The following TSR1 variants were observed in gnomAD, a reference collection of about 807,000 sequenced individuals.
TSR1 encodes pre-rRNA-processing protein TSR1 homolog.
A neutral mutation model predicts 90.9 loss-of-function variants in TSR1; 81 were observed. The observed-to-expected ratio is 0.89, with a 90% CI of 0.74 to 1.07. The LOEUF (loss-of-function observed/expected upper bound fraction) is 1.07, where lower values mean the gene tolerates loss of function less well. Among genes scored for constraint, TSR1 ranks in the 50% least tolerant of loss-of-function variants. The pLI, the probability that TSR1 is intolerant of heterozygous loss-of-function variation, is 0.00. For missense variants in TSR1, 989 were observed against 987.3 expected (o/e 1.00, Z -0.02); for synonymous variants, 362 against 348.8 (o/e 1.04, Z -0.42).
chr17:2,329,337 G>T lies in TSR1; in HGVS notation c.1903+6C>A. Reference sequence around the variant, plus strand: ...TGGACAAGAACCCAGCTTCCCCATTGCTAACCTGCAGTGTGCTGAGAGAAT... The same window carrying T: ...TGGACAAGAACCCAGCTTCCCCATTTCTAACCTGCAGTGTGCTGAGAGAAT... On this transcript the variant is annotated splice_donor_region_variant and intron_variant, in intron 11 of 14. Transcript: ENST00000301364. 6.2e-7 allele frequency: 1 copy of T among 1,613,840 alleles called. No individual in the cohort carries two copies. Among genetic ancestry groups the T allele is most frequent in the Non-Finnish European group, 8.5e-7 (1 of 1,179,802 alleles).
chr17:2,329,214 C>T (rs2075591596), intron 11 of TSR1, 129 bp downstream of exon 11: 1 of 1,375,422 alleles, frequency 7.3e-7, no homozygotes, highest in Non-Finnish European at 1.0e-6. Flanking sequence ...GGCTCTTAAG[C>T]CAGAGTACTG....
chr17:2,333,412 G>C, intron 6 of TSR1, 145 bp downstream of exon 6: 9 of 1,021,410 alleles, frequency 8.8e-6, no homozygotes, highest in Non-Finnish European at 1.4e-5. Context: ...TTTGTTTATT[G>C]AAAACATACA....
chr17:2,330,656 A>G, intron 9 of TSR1, 31 bp from the exon 10 acceptor site: 1 of 1,602,416 alleles, frequency 6.2e-7, no homozygotes, highest in South Asian at 1.1e-5. Flanking sequence ...GCAATCATGG[A>G]GTTACCTTTC....
At chr17:2,331,863 T>C (rs2064006237) in intron 8 of TSR1, among the ~76,000 whole-genome samples, 1 of 152,188 alleles carries the variant, frequency 6.6e-6, no homozygotes, top group African/African-American at 2.4e-5. Flanking sequence ...CCAAACCCCC[T>C]AAAATTTCCA....
At chr17:2,328,583 C>T (rs1401382744) in intron 11 of TSR1, among the ~76,000 whole-genome samples, 2 of 150,094 alleles carry the variant, frequency 1.3e-5, no homozygotes, top group Non-Finnish European at 3.0e-5. Context: ...AGTAAGACTC[C>T]GTCTCCAAAA....
Position 2,323,486 on chromosome 17 carries a change from A to G in TSR1, c.*710T>C, listed in dbSNP as rs1442291309. On this transcript the variant is annotated 3_prime_UTR_variant, in exon 15 of 15. Transcript: ENST00000301364. ...ATGGGAGGGTACCCTAGATGTATTA[A>G]TGACAACCCTCTTGACAGAAGCAGA... is the stretch of plus-strand genomic sequence containing the variant. 2 of 1,156,552 alleles carry G rather than the reference A, an allele frequency of 1.7e-6. No individual in the cohort carries two copies. Among genetic ancestry groups the G allele is most frequent in the Non-Finnish European group, 1.2e-6 (1 of 809,616 alleles). 71.6% of individuals were successfully genotyped at this position (1,156,552 alleles called of 1,614,324 possible). A position where few individuals can be genotyped will look rare whatever the true frequency, so the allele number is the denominator to read the frequency against.
rs562483675 is a variant in TSR1, at chr17:2,326,879, T to C, written c.1904-1459A>G. ...CAGCACTTTGGGAGGCCAATGCGGG[T>C]GGATCACCTGAGGTCGGGAGTTTGA... On this transcript the variant is annotated intron_variant, in intron 11 of 14. Coordinates refer to ENST00000301364, the MANE Select transcript of TSR1 (RefSeq NM_018128.5). Among the ~76,000 whole-genome samples, 392 of 152,016 alleles carry C rather than the reference T, an allele frequency of 2.6e-3. 2 individuals are homozygous for C. The highest frequency in any genetic ancestry group is 9.0e-3 in the African/African-American group (375 of 41,464).
chr17:2,324,531 G>C lies in TSR1; in HGVS notation c.2209C>G (p.Arg737Gly). The C allele has an allele frequency of 6.2e-7, 1 of 1,614,068 alleles. No homozygotes were observed. The highest frequency in any genetic ancestry group is 8.5e-7 in the Non-Finnish European group (1 of 1,180,022). ...KPVELRTKWG[R>G]RGHIKEPLGT... Reference sequence around the variant, plus strand: ...AAAGGTTCCTTGATATGTCCTCTCCGGCCCCACTTCGTTCTCAGTTCCACT... The same window carrying C: ...AAAGGTTCCTTGATATGTCCTCTCCCGCCCCACTTCGTTCTCAGTTCCACT... Residue 737 changes from arginine to glycine, a missense_variant, in exon 14 of 15, where the codon CGG becomes GGG. Arg to Gly is a moderately radical substitution (Grantham distance 125, BLOSUM62 -2). Transcript: ENST00000301364.
chr17:2,335,265 G>T lies in TSR1; in HGVS notation c.551C>A (p.Thr184Asn). Reference sequence around the variant, plus strand: ...ATAAATGCTAACTCACTTACTATAGGTCGGAAGGCCCTGAGCAAAGAGGCA... The same window carrying T: ...ATAAATGCTAACTCACTTACTATAGTTCGGAAGGCCCTGAGCAAAGAGGCA... ...LSCLFAQGLP[T>N]YTLAVQGISG... Residue 184 changes from threonine to asparagine, a missense_variant, in exon 4 of 15, where the codon ACC becomes AAC. Thr to Asn is a moderately conservative substitution (Grantham distance 65). Coordinates refer to ENST00000301364, the MANE Select transcript of TSR1 (RefSeq NM_018128.5). 1 of 1,613,388 alleles carries T rather than the reference G, an allele frequency of 6.2e-7. No individual in the cohort carries two copies. The highest frequency in any genetic ancestry group is 8.5e-7 in the Non-Finnish European group (1 of 1,179,792).
intron 11 of TSR1, among the ~76,000 whole-genome samples, chr17:2,328,241 CA>C (rs34888941): frequency 0.47 from 34,050 of 72,352 alleles, 5,452 homozygotes; most frequent in African/African-American, 0.64. Flanking sequence ...GACTCGGTCT[CA>C]AAAAAAAAAA....
intron 11 of TSR1, among the ~76,000 whole-genome samples, chr17:2,328,288 TG>T (rs1364300545): frequency 9.3e-4 from 140 of 149,786 alleles, no homozygotes; most frequent in Non-Finnish European, 1.6e-3. Context: ...GGCTCATGTC[TG>T]TAATCCCAGC....
chr17:2,330,319 A>G (rs781413837), intron 10 of TSR1, 196 bp downstream of exon 10: 1 of 713,622 alleles, frequency 1.4e-6, no homozygotes, highest in South Asian at 1.4e-5. Flanking sequence ...CATCACTGAG[A>G]TGCTTCAGAC....
chr17:2,324,291 A>G lies in TSR1; in HGVS notation c.2320T>C (p.Phe774Leu). 6.4e-7 allele frequency: 1 copy of G among 1,557,138 alleles called. No individual in the cohort carries two copies. Among genetic ancestry groups the G allele is most frequent in the Non-Finnish European group, 8.6e-7 (1 of 1,156,950 alleles). ...TATGGATCATAAGTCCATTTGGGGAAGACTCGTTTATACAGGTTCATCAGT... is the reference window on the plus strand; with the variant it reads ...TATGGATCATAAGTCCATTTGGGGAGGACTCGTTTATACAGGTTCATCAGT... ...TVLMNLYKRV[F>L]PKWTYDPYVP... is the part of the protein sequence containing the mutation. Residue 774 changes from phenylalanine to leucine, a missense_variant, in exon 15 of 15, where the codon TTC (phenylalanine) becomes CTC (leucine). Phe to Leu is a conservative substitution (Grantham distance 22). Transcript: ENST00000301364.
chr17:2,323,686 A>C lies in TSR1; in HGVS notation c.*510T>G. 6.2e-7 allele frequency: 1 copy of C among 1,614,192 alleles called. No individual in the cohort carries two copies. The highest frequency in any genetic ancestry group is 8.5e-7 in the Non-Finnish European group (1 of 1,180,016). On this transcript the variant is annotated 3_prime_UTR_variant, in exon 15 of 15. Transcript: ENST00000301364. Reference sequence around the variant, plus strand: ...ACCCAGCTGGTGTGGGAGAGGATGAAACTACTCATTGAACCTACAGCTGGT... The same window carrying C: ...ACCCAGCTGGTGTGGGAGAGGATGACACTACTCATTGAACCTACAGCTGGT...
In TSR1 at chr17:2,330,170, T is replaced by C. The variant is rs139135045; in HGVS notation, c.1770+345A>G. 448 of 451,640 alleles carry C rather than the reference T, an allele frequency of 9.9e-4. 2 individuals are homozygous for C. Among genetic ancestry groups the C allele is most frequent in the African/African-American group, 8.2e-3 (408 of 50,040 alleles). The allele number at this position is 451,640 out of a possible 1,614,324, so 28.0% of individuals were successfully genotyped here. A position where few individuals can be genotyped will look rare whatever the true frequency, so the allele number is the denominator to read the frequency against. ...CCGACCTCAGGTGATCCACCCACCT[T>C]GGCCTCCCAAAAAGTGCTGGGATTA... On this transcript the variant is annotated intron_variant, in intron 10 of 14. Coordinates refer to ENST00000301364, the MANE Select transcript of TSR1 (RefSeq NM_018128.5).
rs532486231 is a variant in TSR1, at chr17:2,332,431, G to A, written c.1306-72C>T. 1.3e-5 allele frequency: 17 copies of A among 1,316,234 alleles called. No homozygotes were observed. The East Asian group carries it at 3.5e-4, about 27-fold the overall frequency. The allele number at this position is 1,316,234 out of a possible 1,614,324, so 81.5% of individuals were successfully genotyped here. ...TCTACCCCAAAGGCCAATAAGCTAA[G>A]AGTAAAATAATTGTACTAGATCCCT... On this transcript the variant is annotated intron_variant, in intron 7 of 14. Transcript: ENST00000301364.
chr17:2,327,422 A>C (rs972009413), intron 11 of TSR1, among the ~76,000 whole-genome samples: 5 of 151,776 alleles, frequency 3.3e-5, no homozygotes, highest in African/African-American at 1.2e-4. Context: ...ATATCAAAAA[A>C]AAAAAAAAAA....
In TSR1 at chr17:2,333,620, T is replaced by C. The variant is rs1248814813; in HGVS notation, c.1078A>G (p.Ile360Val). The C allele has an allele frequency of 6.2e-7, 1 of 1,614,064 alleles. No homozygotes were observed. ...GRQESLQAEV[I>V]PDPMEGEQTW... ...TGCTCTCCCTCCATTGGATCTGGGA[T>C]AACCTCTGCTTGCAAGGATTCCTGT... The change falls in exon 6 of 15, where the codon ATC (isoleucine) becomes GTC (valine). Residue 360 changes from isoleucine (I) to valine (V), a missense_variant. Physicochemically the swap from Ile to Val is conservative, Grantham distance 29. Transcript: ENST00000301364.
chr17:2,334,422 C>T, intron 5 of TSR1, 50 bp downstream of exon 5: 1 of 1,572,734 alleles, frequency 6.4e-7, no homozygotes, highest in Non-Finnish European at 8.6e-7. Context: ...TTTAAGTTTC[C>T]TTCCTGTGCC....
Sources: gnomAD v4.1 joint callset for allele counts (sites outside exome capture counted in the v4.1 genomes callset) on GRCh38, gnomAD v4.1.1 for gene constraint, MANE v1.5 for transcripts, NCBI Gene and HGNC (gene_info 2026-07-23, HGNC 2026-07-21) for gene names.